The following ROCK1 variants were observed in gnomAD, a reference collection of about 807,000 sequenced individuals.
ROCK1 encodes Rho associated coiled-coil containing protein kinase 1, also known as rho-associated protein kinase 1.
ROCK1 carries 36 observed loss-of-function variants against 196.8 expected under a neutral mutation model. The ratio of observed to expected loss-of-function variants is 0.18; its 90% CI spans 0.14 to 0.24. ROCK1 has a LOEUF of 0.24. Among genes scored for constraint, ROCK1 ranks in the 10% least tolerant of loss-of-function variants. The pLI, the probability that ROCK1 is intolerant of heterozygous loss-of-function variation, is 1.00. For synonymous variants in ROCK1, 443 were observed against 515.9 expected, an observed-to-expected ratio of 0.86 and a Z score of 1.91; for missense variants, 920 against 1,562.0, an observed-to-expected ratio of 0.59 and a Z score of 6.93.
chr18:21,045,934 G>A (rs1489292514), intron 4 of ROCK1, among the ~76,000 whole-genome samples: 3 of 117,824 alleles, frequency 2.5e-5, no homozygotes, highest in African/African-American at 7.5e-5. Context: ...TTTTTGAGAC[G>A]GAGTCTCGCT....
At chr18:21,045,641 A>G (rs1485203998) in intron 4 of ROCK1, among the ~76,000 whole-genome samples, 174 bp from the exon 5 acceptor site, 2 of 152,216 alleles carry the variant, frequency 1.3e-5, no homozygotes, top group African/African-American at 2.4e-5. Context: ...ACCCTTGTAT[A>G]TGCAAAATGA....
chr18:21,020,082 G>A, intron 12 of ROCK1, 69 bp downstream of exon 12: 2 of 862,446 alleles, frequency 2.3e-6, no homozygotes, highest in Non-Finnish European at 3.7e-6. Context: ...TGTTTACAGG[G>A]TATAAGCTTT....
intron 1 of ROCK1, among the ~76,000 whole-genome samples, chr18:21,098,637 A>C (rs2036631787): frequency 1.3e-4 from 2 of 15,072 alleles, no homozygotes; most frequent in Non-Finnish European, 0.01. Context: ...AAAAATTGCA[A>C]AAAAAAAAAA....
Position 21,006,430 on chromosome 18 carries a change from A to G in ROCK1, c.1806T>C (p.Asp602=), listed in dbSNP as rs779316808. ...CTAATATAGCTTGCAGCTGGTAATA[A>G]TCTTTGTCTGTTTGTGACTTAGAAT... ...LENSKSQTDK[D]YYQLQAILEA... Residue 602 remains aspartate (D), a synonymous_variant, in exon 16 of 33, where the codon GAT becomes GAC. Coordinates refer to ENST00000399799, the MANE Select transcript of ROCK1 (RefSeq NM_005406.3). The G allele has an allele frequency of 6.8e-6, 11 of 1,613,506 alleles. No homozygotes were observed. The African/African-American group carries it at 1.3e-4, about 20-fold the overall frequency.
rs763597197 is a variant in ROCK1, at chr18:21,110,807, G to C, written c.93+11C>G. The C allele has an allele frequency of 1.1e-5, 18 of 1,609,152 alleles. No individual in the cohort carries two copies. The highest frequency in any genetic ancestry group is 1.4e-5 in the Non-Finnish European group (16 of 1,175,510). On this transcript the variant is annotated intron_variant, in intron 1 of 32. Coordinates refer to ENST00000399799, the MANE Select transcript of ROCK1 (RefSeq NM_005406.3). ...AACCCCAGACAAGCAAAAGAGAACAGCGCTACTCACCAGCAAACAATCCGA... is the reference window on the plus strand; with the variant it reads ...AACCCCAGACAAGCAAAAGAGAACACCGCTACTCACCAGCAAACAATCCGA...
At chr18:21,100,263 A>T (rs780148855) in intron 1 of ROCK1, among the ~76,000 whole-genome samples, 5 of 152,060 alleles carry the variant, frequency 3.3e-5, no homozygotes, top group Non-Finnish European at 7.4e-5. Flanking sequence ...TTCACTGAAC[A>T]AGGACAAGAA....
intron 2 of ROCK1, among the ~76,000 whole-genome samples, chr18:21,052,703 A>AG (rs2036213999): frequency 6.6e-6 from 1 of 152,064 alleles, no homozygotes. Flanking sequence ...TGCACATGCG[A>AG]GGGATCCAGG....
At chr18:21,011,530 A>T (rs2035817146) in intron 13 of ROCK1, among the ~76,000 whole-genome samples, 1 of 151,616 alleles carries the variant, frequency 6.6e-6, no homozygotes, top group South Asian at 2.1e-4. Context: ...CTTATGGCTC[A>T]CTGCAGCCTC....
chr18:21,080,556 T>TA (rs1352239010), intron 1 of ROCK1, among the ~76,000 whole-genome samples: 2 of 152,068 alleles, frequency 1.3e-5, no homozygotes, highest in East Asian at 3.9e-4. Flanking sequence ...AAATGGATTT[T>TA]AAAAAACAAA....
At chr18:21,054,511 C>T (rs1027919301) in intron 2 of ROCK1, among the ~76,000 whole-genome samples, 5 of 151,936 alleles carry the variant, frequency 3.3e-5, no homozygotes, top group African/African-American at 4.8e-5. Context: ...CTTAGACAAC[C>T]GACCCTGAAA....
At chr18:20,955,742 T>G (rs1412945802) in intron 29 of ROCK1, among the ~76,000 whole-genome samples, 1 of 148,534 alleles carries the variant, frequency 6.7e-6, no homozygotes, top group Non-Finnish European at 1.5e-5. Context: ...CTGTGATACA[T>G]CTATACTATG....
At chr18:21,011,378 T>G (rs1333699656) in intron 13 of ROCK1, among the ~76,000 whole-genome samples, 2 of 152,242 alleles carry the variant, frequency 1.3e-5, no homozygotes, top group African/African-American at 4.8e-5. Flanking sequence ...CATAGCTTAA[T>G]ATATAGTACA....
intron 12 of ROCK1, among the ~76,000 whole-genome samples, chr18:21,015,976 T>G (rs2035859539): frequency 6.7e-6 from 1 of 149,370 alleles, no homozygotes; most frequent in South Asian, 2.1e-4. Context: ...TGAGACTCCA[T>G]CTCAAAAAAA....
rs572111652 is a variant in ROCK1 at position 20,959,729 on chromosome 18, A to G, written c.3512+111T>C. The G allele has an allele frequency of 3.3e-4, 162 of 497,498 alleles. 4 individuals are homozygous for G. Among genetic ancestry groups the G allele is most frequent in the South Asian group, 3.1e-3 (60 of 19,508 alleles). The allele number at this position is 497,498 out of a possible 1,614,324, so 30.8% of individuals were successfully genotyped here. ...CATTTATGCTTAAGAAAAACAGAAA[A>G]GTAGGTAACAGTGCTGAAGTAACAC... On this transcript the variant is annotated intron_variant, in intron 29 of 32. Coordinates refer to ENST00000399799, the MANE Select transcript of ROCK1 (RefSeq NM_005406.3).
intron 8 of ROCK1, 128 bp from the exon 9 acceptor site, chr18:21,039,691 A>G: frequency 1.6e-6 from 1 of 634,740 alleles, no homozygotes; most frequent in Non-Finnish European, 2.8e-6. Context: ...GTGAAATTAT[A>G]TTGTCAGCAT....
intron 1 of ROCK1, among the ~76,000 whole-genome samples, chr18:21,107,791 C>T (rs1251455059): frequency 2.0e-5 from 3 of 152,182 alleles, no homozygotes; most frequent in Non-Finnish European, 4.4e-5. Context: ...CGGTGGCTCA[C>T]GCCTGTAATC....
At chr18:21,046,840 T>C (rs1420263981) in intron 4 of ROCK1, among the ~76,000 whole-genome samples, 1 of 152,200 alleles carries the variant, frequency 6.6e-6, no homozygotes, top group African/African-American at 2.4e-5. Context: ...ATAGATTCAG[T>C]TACTTTGTTT....
At chr18:21,000,956 C>A (rs1330463816) in intron 16 of ROCK1, among the ~76,000 whole-genome samples, 4 of 152,150 alleles carry the variant, frequency 2.6e-5, no homozygotes, top group Non-Finnish European at 5.9e-5. Flanking sequence ...AATACTTGTA[C>A]ACAAATGTTG....
intron 9 of ROCK1, among the ~76,000 whole-genome samples, chr18:21,034,133 G>A (rs1356795807): frequency 6.6e-6 from 1 of 151,554 alleles, no homozygotes; most frequent in African/African-American, 2.4e-5. Context: ...ACTTAAAAAC[G>A]TTGCTGAAAT....
Sources: gnomAD v4.1 joint callset for allele counts (sites outside exome capture counted in the v4.1 genomes callset) on GRCh38, gnomAD v4.1.1 for gene constraint, MANE v1.5 for transcripts, NCBI Gene and HGNC (gene_info 2026-07-23, HGNC 2026-07-21) for gene names.